SPTLC1: variants seen among roughly 807,000 people sequenced by gnomAD.
SPTLC1 encodes the protein serine palmitoyltransferase long chain base subunit 1.
Under a neutral mutation model 68.9 loss-of-function variants are expected in SPTLC1, and 55 were observed. The observed-to-expected ratio is 0.80, with a 90% CI of 0.64 to 1.00. SPTLC1 has a LOEUF of 1.00. Among genes scored for constraint, SPTLC1 ranks in the 50% least tolerant of loss-of-function variants. The pLI is 0.00. For synonymous variants in SPTLC1, 197 were observed against 201.6 expected, an observed-to-expected ratio of 0.98 and a Z score of 0.19; for missense variants, 449 against 573.1, an observed-to-expected ratio of 0.78 and a Z score of 2.21.
chr9:92,057,023 A>G (rs1833916572), intron 7 of SPTLC1, among the ~76,000 whole-genome samples: 1 of 152,244 alleles, frequency 6.6e-6, no homozygotes, highest in South Asian at 2.1e-4. Flanking sequence ...GGGAAATGGA[A>G]AAGTACAAAA....
intron 3 of SPTLC1, among the ~76,000 whole-genome samples, chr9:92,096,608 C>T (rs994601403): frequency 3.9e-5 from 6 of 152,220 alleles, no homozygotes; most frequent in South Asian, 2.1e-4. Flanking sequence ...TTTCAACAAA[C>T]GGTGCTAGGA....
intron 3 of SPTLC1, among the ~76,000 whole-genome samples, chr9:92,083,670 A>G (rs1834990666): frequency 6.6e-6 from 1 of 152,162 alleles, no homozygotes; most frequent in Non-Finnish European, 1.5e-5. Context: ...GAAGTCAGGT[A>G]GCATGATGCC....
At chr9:92,049,217 C>T (rs556683452) in intron 9 of SPTLC1, among the ~76,000 whole-genome samples, 88 of 152,240 alleles carry the variant, frequency 5.8e-4, no homozygotes, top group Non-Finnish European at 9.3e-4. Context: ...GGCAATTTTA[C>T]GTTTTATAGT....
At chr9:92,050,391 T>C (rs1249232684) in intron 8 of SPTLC1, 1 of 313,334 alleles carries the variant, frequency 3.2e-6, no homozygotes, top group African/African-American at 2.2e-5. Flanking sequence ...TACTGCCACT[T>C]TTTTGGACTT....
chr9:92,067,693 C>T (rs1229808807), intron 6 of SPTLC1, among the ~76,000 whole-genome samples: 2 of 152,304 alleles, frequency 1.3e-5, no homozygotes, highest in East Asian at 1.9e-4. Flanking sequence ...TAGGATACCA[C>T]ACAGCCACAG....
intron 2 of SPTLC1, 92 bp from the exon 3 acceptor site, chr9:92,108,926 T>C (rs1296739905): frequency 3.8e-6 from 6 of 1,569,840 alleles, no homozygotes; most frequent in Non-Finnish European, 4.3e-6. Context: ...TTATTCTAAT[T>C]CTACTAACTA....
intron 2 of SPTLC1, chr9:92,109,747 C>G (rs1288705488): frequency 6.6e-6 from 1 of 152,260 alleles, no homozygotes; most frequent in East Asian, 1.9e-4. Context: ...CCGAGGTGGG[C>G]ACATCACCTG....
intron 5 of SPTLC1, chr9:92,076,955 T>C (rs540602444): frequency 6.6e-6 from 1 of 152,298 alleles, no homozygotes; most frequent in Non-Finnish European, 1.5e-5. Flanking sequence ...GGGCTGGTCT[T>C]CATCAGCCAA....
Position 92,047,704 on chromosome 9 carries a change from T to C in SPTLC1, c.893A>G (p.Asp298Gly), listed in dbSNP as rs1301504165. 2 of 1,610,514 alleles carry C rather than the reference T, an allele frequency of 1.2e-6. No individual in the cohort carries two copies. Among genetic ancestry groups the C allele is most frequent in the South Asian group, 2.2e-5 (2 of 90,900 alleles). Reference protein sequence around the residue: ...GVTEHYGINIDDIDLISANME... With the variant: ...GVTEHYGINIGDIDLISANME... Reference sequence around the variant, plus strand: ...GTTGGCACTGATAAGATCAATATCATCAATCTGCCGGAAAAGGAGGAGTGA... The same window carrying C: ...GTTGGCACTGATAAGATCAATATCACCAATCTGCCGGAAAAGGAGGAGTGA... Residue 298 changes from aspartate to glycine, a missense_variant, in exon 10 of 15, where the codon GAT becomes GGT. Physicochemically the swap from Asp to Gly is moderately conservative, Grantham distance 94. Transcript: ENST00000262554.
At position 92,059,262 on chromosome 9, in the gene SPTLC1, G is replaced by A. The variant is rs1003761327; in HGVS notation, c.607C>T (p.Arg203Cys). ...FAIQKGLQAS[R>C]SDIKLFKHND... The stretch of plus-strand genomic sequence containing the variant: ...TGCTTAAATAACTTAATGTCACTAC[G>A]GGATGCCTGTAATCCTTTCTGAATA... Residue 203 changes from arginine to cysteine, a missense_variant, in exon 7 of 15, where the codon CGT becomes TGT. This residue lies in a region of SPTLC1 where 391 missense variants were observed against 472.1 expected (regional missense o/e 0.83). Transcript: ENST00000262554. The A allele has an allele frequency of 1.2e-6, 2 of 1,613,876 alleles. No individual in the cohort carries two copies. The highest frequency in any genetic ancestry group is 1.7e-6 in the Non-Finnish European group (2 of 1,179,928).
At chr9:92,114,397 T>C (rs796633777) in intron 1 of SPTLC1, among the ~76,000 whole-genome samples, 7 of 152,340 alleles carry the variant, frequency 4.6e-5, no homozygotes, top group African/African-American at 1.4e-4. Flanking sequence ...TTATCTTATG[T>C]ATCTGAAATA....
chr9:92,065,512 C>T (rs1834247218), intron 6 of SPTLC1, among the ~76,000 whole-genome samples: 1 of 151,956 alleles, frequency 6.6e-6, no homozygotes, highest in Non-Finnish European at 1.5e-5. Context: ...GCCTATGTTT[C>T]CTAGCAGTTA....
At chr9:92,097,398 T>A (rs1003697806) in intron 3 of SPTLC1, among the ~76,000 whole-genome samples, 2 of 152,264 alleles carry the variant, frequency 1.3e-5, no homozygotes, top group African/African-American at 4.8e-5. Context: ...ATTTTTTATT[T>A]TTTCATATAC....
intron 3 of SPTLC1, among the ~76,000 whole-genome samples, chr9:92,089,683 T>C (rs1329800872): frequency 1.3e-5 from 2 of 152,152 alleles, no homozygotes; most frequent in East Asian, 3.9e-4. Flanking sequence ...TGAGAGACAA[T>C]GTTTGAACAG....
At chr9:92,067,428 TG>T (rs2118596082) in intron 6 of SPTLC1, among the ~76,000 whole-genome samples, 1 of 152,350 alleles carries the variant, frequency 6.6e-6, no homozygotes. Flanking sequence ...ACCAGCTGCC[TG>T]GGGCCTGCCA....
At chr9:92,069,973 T>C (rs139650462) in intron 5 of SPTLC1, among the ~76,000 whole-genome samples, 49 of 152,346 alleles carry the variant, frequency 3.2e-4, no homozygotes, top group African/African-American at 1.2e-3. Flanking sequence ...AAACTGAGTA[T>C]AACCCTGTTT....
rs973034687 is a variant in SPTLC1 at position 92,056,168 on chromosome 9, C to T, written c.691-674G>A. ...TCCTCACTCCCCACTGATGTATTATCGGATCAAGTAAAATTTGACTATGAG... is the reference window on the plus strand; with the variant it reads ...TCCTCACTCCCCACTGATGTATTATTGGATCAAGTAAAATTTGACTATGAG... On this transcript the variant is annotated intron_variant, in intron 7 of 14. Coordinates refer to ENST00000262554, the MANE Select transcript of SPTLC1 (RefSeq NM_006415.4). 5.9e-5 allele frequency among the ~76,000 whole-genome samples: 9 copies of T among 152,320 alleles called. No homozygotes were observed. The South Asian group carries it at 1.0e-3, about 18-fold the overall frequency.
rs770382920 is a variant in SPTLC1, at chr9:92,115,398, G to T, written c.-28C>A. The T allele has an allele frequency of 3.7e-6, 6 of 1,611,916 alleles. No individual in the cohort carries two copies. Among genetic ancestry groups the T allele is most frequent in the Non-Finnish European group, 5.1e-6 (6 of 1,178,910 alleles). ...TTAGCCGCTTCCTTCCGGAAGGCGG[G>T]TCACAAGCGCGTCCCAAAAGTGCGC... On this transcript the variant is annotated 5_prime_UTR_variant, in exon 1 of 15. Coordinates refer to ENST00000262554, the MANE Select transcript of SPTLC1 (RefSeq NM_006415.4).
intron 6 of SPTLC1, among the ~76,000 whole-genome samples, chr9:92,067,303 A>C (rs1834324566): frequency 7.2e-6 from 1 of 138,628 alleles, no homozygotes; most frequent in Non-Finnish European, 1.5e-5. Flanking sequence ...CATCTCACAC[A>C]CAAAAAAAAA....
Sources: allele counts gnomAD v4.1 joint callset (sites outside exome capture counted in the v4.1 genomes callset), GRCh38; gene constraint gnomAD v4.1.1; regional missense constraint gnomAD v4.1.1; transcripts MANE v1.5; gene names NCBI Gene and HGNC (gene_info 2026-07-23, HGNC 2026-07-21).